NAALADL2: variants seen among roughly 807,000 people sequenced by gnomAD.
The protein encoded by NAALADL2 is inactive N-acetylated-alpha-linked acidic dipeptidase-like protein 2.
In NAALADL2, 76 loss-of-function variants were observed where a neutral mutation model predicts 87.2. That is an observed-to-expected ratio of 0.87 (90% CI 0.72 to 1.05). NAALADL2 has a LOEUF of 1.05. NAALADL2 is among the 50% of genes least tolerant of loss of function. NAALADL2 has a pLI of 0.00. For missense variants in NAALADL2, 1,089 were observed against 945.8 expected (o/e 1.15, Z -1.99); for synonymous variants, 354 against 331.0 (o/e 1.07, Z -0.75).
At chr3:175,714,387 C>A (rs1010492470) in intron 11 of NAALADL2, among the ~76,000 whole-genome samples, 11 of 152,262 alleles carry the variant, frequency 7.2e-5, no homozygotes, top group Non-Finnish European at 1.3e-4. Context: ...TCCTCTCCAG[C>A]ATCTGTTGTT....
Position 174,590,862 on chromosome 3 carries a change from C to T in NAALADL2, c.-115+40225C>T, listed in dbSNP as rs556065341. 4.0e-4 allele frequency among the ~76,000 whole-genome samples: 61 copies of T among 151,892 alleles called. No individual in the cohort carries two copies. The South Asian group carries it at 0.012, about 31-fold the overall frequency. Reference sequence around the variant, plus strand: ...ACTAGAAATAGACATTCAATAAATACTAGCTATTTCGGTGAAATGAAAGGA... The same window carrying T: ...ACTAGAAATAGACATTCAATAAATATTAGCTATTTCGGTGAAATGAAAGGA... On this transcript the variant is annotated intron_variant, in intron 2 of 3. Transcript: ENST00000434257.
intron 9 of NAALADL2, among the ~76,000 whole-genome samples, chr3:175,562,696 G>C (rs1716464549): frequency 1.3e-5 from 2 of 151,882 alleles, no homozygotes; most frequent in Non-Finnish European, 2.9e-5. Context: ...ATGCATGATA[G>C]AAAATTTCTT....
chr3:175,774,570 A>C (rs1205917842), intron 13 of NAALADL2, among the ~76,000 whole-genome samples: 9 of 151,942 alleles, frequency 5.9e-5, no homozygotes, highest in Non-Finnish European at 2.9e-5. Context: ...GTTTGTTTGC[A>C]GAAAAAAAAA....
chr3:175,578,003 AT>A (rs1378971709), intron 10 of NAALADL2, among the ~76,000 whole-genome samples: 2 of 152,204 alleles, frequency 1.3e-5, no homozygotes, highest in Non-Finnish European at 2.9e-5. Context: ...ACAGTTACAA[AT>A]ATATACGGAA....
At chr3:175,259,457 T>C (rs1166938007) in intron 4 of NAALADL2, among the ~76,000 whole-genome samples, 1 of 152,196 alleles carries the variant, frequency 6.6e-6, no homozygotes. Context: ...ACAGTCCAAC[T>C]TTTTATGTAG....
chr3:175,543,432 C>T (rs1175821025), intron 9 of NAALADL2, among the ~76,000 whole-genome samples: 1 of 152,028 alleles, frequency 6.6e-6, no homozygotes, highest in Non-Finnish European at 1.5e-5. Flanking sequence ...GTGTATTAGT[C>T]CATTTTCATA....
At chr3:175,281,401 A>G (rs1754294975) in intron 4 of NAALADL2, among the ~76,000 whole-genome samples, 2 of 151,992 alleles carry the variant, frequency 1.3e-5, no homozygotes, top group South Asian at 4.1e-4. Flanking sequence ...ACTTTTTCAT[A>G]TCATTCGTTT....
At chr3:175,753,291 A>G (rs934241886) in intron 12 of NAALADL2, among the ~76,000 whole-genome samples, 12 of 152,180 alleles carry the variant, frequency 7.9e-5, no homozygotes, top group Admixed American at 2.6e-4. Context: ...AAAAATGACT[A>G]TGTTCTCTAA....
intron 3 of NAALADL2, among the ~76,000 whole-genome samples, chr3:175,253,368 C>T (rs1466677813): frequency 1.3e-5 from 2 of 152,156 alleles, no homozygotes; most frequent in Non-Finnish European, 2.9e-5. Context: ...TACACATGGA[C>T]TACTGAATAA....
At chr3:175,483,787 T>C (rs183681111) in intron 9 of NAALADL2, among the ~76,000 whole-genome samples, 17 of 152,208 alleles carry the variant, frequency 1.1e-4, no homozygotes, top group Admixed American at 1.0e-3. Context: ...CTGAGAAGAA[T>C]AGAAGGGAAA....
intron 3 of NAALADL2, among the ~76,000 whole-genome samples, chr3:174,741,008 C>T (rs558188159): frequency 3.3e-5 from 5 of 151,742 alleles, no homozygotes; most frequent in African/African-American, 1.2e-4. Context: ...TGGGTTCAAA[C>T]CAGTGAATAA....
intron 3 of NAALADL2, among the ~76,000 whole-genome samples, chr3:175,246,412 A>G (rs777073226): frequency 6.6e-6 from 1 of 152,164 alleles, no homozygotes; most frequent in Non-Finnish European, 1.5e-5. Context: ...AACATTTTGT[A>G]CATTCTGAGT....
intron 9 of NAALADL2, among the ~76,000 whole-genome samples, chr3:175,507,643 T>C (rs1267737048): frequency 1.3e-5 from 2 of 152,074 alleles, no homozygotes; most frequent in African/African-American, 4.8e-5. Context: ...AGGCTGGTCT[T>C]GAACTCCTGA....
intron 5 of NAALADL2, among the ~76,000 whole-genome samples, chr3:175,352,511 T>A (rs577044573): frequency 2.2e-4 from 34 of 152,316 alleles, no homozygotes; most frequent in South Asian, 6.2e-4. Context: ...CCTTGTTAGG[T>A]GAGGCCTATC....
chr3:174,844,155 A>G (rs1724335815), intron 3 of NAALADL2, among the ~76,000 whole-genome samples: 1 of 152,130 alleles, frequency 6.6e-6, no homozygotes, highest in Non-Finnish European at 1.5e-5. Flanking sequence ...TTCAGGTCTT[A>G]CATGTATGTA....
At chr3:175,063,530 G>T (rs1293024932) in intron 1 of NAALADL2, among the ~76,000 whole-genome samples, 1 of 151,946 alleles carries the variant, frequency 6.6e-6, no homozygotes, top group Non-Finnish European at 1.5e-5. Flanking sequence ...AGCCTGGAAT[G>T]CAGTCTTGTC....
chr3:174,470,512 T>TG (rs1316537821), intron 1 of NAALADL2, among the ~76,000 whole-genome samples: 2 of 152,128 alleles, frequency 1.3e-5, no homozygotes, highest in Non-Finnish European at 2.9e-5. Flanking sequence ...TTGTTTTAGT[T>TG]GCATTTGCTT....
chr3:174,755,560 T>C (rs1050062682), intron 3 of NAALADL2, among the ~76,000 whole-genome samples: 2 of 152,214 alleles, frequency 1.3e-5, no homozygotes, highest in South Asian at 4.1e-4. Context: ...AACATGTATA[T>C]AGCTTGCCTT....
intron 3 of NAALADL2, among the ~76,000 whole-genome samples, chr3:175,244,930 C>T (rs959619550): frequency 6.6e-6 from 1 of 152,098 alleles, no homozygotes; most frequent in Non-Finnish European, 1.5e-5. Flanking sequence ...GATCTCTCAG[C>T]AGGAGAAAGT....
Sources: gnomAD v4.1 joint callset for allele counts (sites outside exome capture counted in the v4.1 genomes callset) on GRCh38, gnomAD v4.1.1 for gene constraint, MANE v1.5 for transcripts, NCBI Gene and HGNC (gene_info 2026-07-23, HGNC 2026-07-21) for gene names.